The following PTDSS1 variants were observed in gnomAD, a reference collection of about 807,000 sequenced individuals.
PTDSS1 encodes the protein phosphatidylserine synthase 1.
PTDSS1 carries 45 observed loss-of-function variants against 70.5 expected under a neutral mutation model. The observed-to-expected ratio is 0.64, with a 90% CI of 0.50 to 0.82. The LOEUF (loss-of-function observed/expected upper bound fraction) is 0.82. Among genes scored for constraint, PTDSS1 ranks in the 40% least tolerant of loss-of-function variants. The pLI is 0.00. For synonymous variants in PTDSS1, 188 were observed against 203.8 expected (o/e 0.92, Z 0.66); for missense variants, 417 against 586.1 (o/e 0.71, Z 2.98).
chr8:96,287,754 C>CA (rs919854185), intron 4 of PTDSS1, among the ~76,000 whole-genome samples: 9 of 145,850 alleles, frequency 6.2e-5, no homozygotes, highest in Admixed American at 2.7e-4. Flanking sequence ...TCGAACCATA[C>CA]AAAAAAATTT....
At chr8:96,325,009 G>A (rs376137926) in intron 10 of PTDSS1, among the ~76,000 whole-genome samples, 4 of 152,146 alleles carry the variant, frequency 2.6e-5, no homozygotes, top group Non-Finnish European at 4.4e-5. Context: ...GTGCTCTTCC[G>A]TGCTGTGCCT....
chr8:96,273,940 A>G (rs897756418), intron 2 of PTDSS1, among the ~76,000 whole-genome samples: 2 of 152,176 alleles, frequency 1.3e-5, no homozygotes, highest in African/African-American at 4.8e-5. Context: ...CCCCATCATG[A>G]TTATGGAGTG....
chr8:96,330,287 G>C lies in PTDSS1; in HGVS notation c.1242+6G>C. On this transcript the variant is annotated splice_donor_region_variant and intron_variant, in intron 11 of 12. Coordinates refer to ENST00000517309, the MANE Select transcript of PTDSS1 (RefSeq NM_014754.3). ...ACTATGGTCACCGAGAAAAGGTATGGAAGGAGAGGCAGGCATGGCCATTGT... is the reference window on the plus strand; with the variant it reads ...ACTATGGTCACCGAGAAAAGGTATGCAAGGAGAGGCAGGCATGGCCATTGT... The C allele has an allele frequency of 1.2e-6, 2 of 1,606,278 alleles. No homozygotes were observed. The highest frequency in any genetic ancestry group is 1.7e-6 in the Non-Finnish European group (2 of 1,174,278).
chr8:96,296,825 C>T (rs1479244219), intron 5 of PTDSS1, among the ~76,000 whole-genome samples: 11 of 152,180 alleles, frequency 7.2e-5, no homozygotes, highest in Non-Finnish European at 1.3e-4. Flanking sequence ...TACCACATTC[C>T]ACCTCTGAAT....
chr8:96,308,197 A>G (rs758538793), intron 8 of PTDSS1, among the ~76,000 whole-genome samples: 1 of 152,204 alleles, frequency 6.6e-6, no homozygotes, highest in African/African-American at 2.4e-5. Context: ...CTTTGAGAAG[A>G]TATTTGAGTG....
At chr8:96,311,058 G>T (rs192706198) in intron 9 of PTDSS1, among the ~76,000 whole-genome samples, 1 of 152,092 alleles carries the variant, frequency 6.6e-6, no homozygotes, top group Non-Finnish European at 1.5e-5. Flanking sequence ...GAGCCACTGC[G>T]CCCGGCCTTA....
In PTDSS1 at chr8:96,262,080, G is replaced by T; in HGVS notation, c.40G>T (p.Asp14Tyr). 6.2e-7 allele frequency: 1 copy of T among 1,613,804 alleles called. No homozygotes were observed. The highest frequency in any genetic ancestry group is 2.2e-5 in the East Asian group (1 of 44,860). The change falls in exon 1 of 13, where the codon GAT (aspartate) becomes TAT (tyrosine). Residue 14 changes from aspartate (D) to tyrosine (Y), a missense_variant. Physicochemically the swap from Asp to Tyr is radical, Grantham distance 160. This residue lies in a region of PTDSS1 where 38 missense variants were observed against 34.3 expected (regional missense o/e 1.11). Coordinates refer to ENST00000517309, the MANE Select transcript of PTDSS1 (RefSeq NM_014754.3). The surrounding 1 kb of genome is among the most constrained non-coding windows in gnomAD (Gnocchi z 4.4). The stretch of plus-strand genomic sequence containing the variant: ...GGGGAGCCGGACCCTAAGCAAGGAT[G>T]ATGTGAACTACAAAATGCATTTCCG... The part of the protein sequence containing the change: ...CVGSRTLSKD[D>Y]VNYKMHFRMI...
Position 96,295,276 on chromosome 8 carries a change from G to T in PTDSS1, c.600+20G>T, listed in dbSNP as rs768508635. ...ACTGAGGTAAGAAGGAGGGCATTGG[G>T]GGTTCCCCAGACTGTGCCATGTGTG... On this transcript the variant is annotated intron_variant, in intron 5 of 12. Coordinates refer to ENST00000517309, the MANE Select transcript of PTDSS1 (RefSeq NM_014754.3). 1.9e-6 allele frequency: 3 copies of T among 1,606,744 alleles called. No individual in the cohort carries two copies. Among genetic ancestry groups the T allele is most frequent in the Admixed American group, 1.7e-5 (1 of 59,022 alleles).
At chr8:96,310,819 A>G (rs549230132) in intron 9 of PTDSS1, among the ~76,000 whole-genome samples, 13 of 151,558 alleles carry the variant, frequency 8.6e-5, no homozygotes, top group South Asian at 2.1e-4. Flanking sequence ...AGGCTGGAGT[A>G]CAGTGGCGTG....
Position 96,295,116 on chromosome 8 carries a change from C to A in PTDSS1, c.460C>A (p.His154Asn), listed in dbSNP as rs1451546343. The A allele has an allele frequency of 6.2e-7, 1 of 1,613,568 alleles. No individual in the cohort carries two copies. The highest frequency in any genetic ancestry group is 1.7e-5 in the Admixed American group (1 of 59,950). The part of the protein sequence containing the change: ...ADVMEYAVNC[H>N]VITWERIISH... Reference sequence around the variant, plus strand: ...TAAATAGGAGTATGCTGTGAACTGCCATGTGATCACCTGGGAGAGGATTAT... The same window carrying A: ...TAAATAGGAGTATGCTGTGAACTGCAATGTGATCACCTGGGAGAGGATTAT... The change falls in exon 5 of 13, where the codon CAT (histidine) becomes AAT (asparagine). Residue 154 changes from histidine to asparagine, a missense_variant. Physicochemically the swap from His to Asn is moderately conservative, Grantham distance 68. This residue lies in a region of PTDSS1 where 272 missense variants were observed against 429.5 expected (regional missense o/e 0.63). Coordinates refer to ENST00000517309, the MANE Select transcript of PTDSS1 (RefSeq NM_014754.3).
chr8:96,321,379 T>A (rs985977736), intron 10 of PTDSS1, among the ~76,000 whole-genome samples: 8 of 152,236 alleles, frequency 5.3e-5, no homozygotes, highest in Non-Finnish European at 2.9e-5. Flanking sequence ...ATTACTAACC[T>A]TTTCTTAAAG....
chr8:96,324,624 T>C (rs1811414297), intron 10 of PTDSS1, among the ~76,000 whole-genome samples: 1 of 152,146 alleles, frequency 6.6e-6, no homozygotes, highest in Admixed American at 6.5e-5. Context: ...ATCCTTTTTA[T>C]CAGGAACCCA....
rs1811579458 is a variant in PTDSS1, at chr8:96,335,303, A to G, written c.*1737A>G. The G allele has an allele frequency of 6.6e-6, 1 of 152,220 alleles. No homozygotes were observed. The highest frequency in any genetic ancestry group is 1.5e-5 in the Non-Finnish European group (1 of 68,038). 9.4% of individuals were successfully genotyped at this position (152,220 alleles called of 1,614,324 possible). ...ATTTAAACATGATCTTTCTTTGCAA[A>G]TAAATATGTTTTGTTTCATCCTGTG... On this transcript the variant is annotated 3_prime_UTR_variant, in exon 13 of 13. Transcript: ENST00000517309.
At chr8:96,320,428 TG>T in intron 10 of PTDSS1, 83 bp downstream of exon 10, 1 of 1,203,434 alleles carries the variant, frequency 8.3e-7, no homozygotes, top group Non-Finnish European at 1.2e-6. Flanking sequence ...GAAACCCTCT[TG>T]TGTATCAAAG....
intron 1 of PTDSS1, among the ~76,000 whole-genome samples, chr8:96,270,959 T>G (rs1810558143): frequency 6.6e-6 from 1 of 152,210 alleles, no homozygotes; most frequent in Admixed American, 6.5e-5. Context: ...TTTCAAGCAT[T>G]TTGATTGGTA....
At position 96,333,640 on chromosome 8, in the gene PTDSS1, C is replaced by T. The variant is rs1263738723; in HGVS notation, c.*74C>T. 4.2e-6 allele frequency: 6 copies of T among 1,429,874 alleles called. No homozygotes were observed. The highest frequency in any genetic ancestry group is 5.9e-6 in the Non-Finnish European group (6 of 1,013,612). The allele number at this position is 1,429,874 out of a possible 1,614,324, so 88.6% of individuals were successfully genotyped here. A position where few individuals can be genotyped will look rare whatever the true frequency, so the allele number is the denominator to read the frequency against. On this transcript the variant is annotated 3_prime_UTR_variant, in exon 13 of 13. Transcript: ENST00000517309. ...GAAATGGAACTCATTTGGAACTCCC[C>T]GTGAGGAGGTCGAGGCGCACAGGGC...
rs1338860153 is a variant in PTDSS1 at position 96,266,738 on chromosome 8, T to A, written c.179+4519T>A. 2.6e-5 allele frequency among the ~76,000 whole-genome samples: 4 copies of A among 152,274 alleles called. No homozygotes were observed. The East Asian group carries it at 7.7e-4, about 29-fold the overall frequency. On this transcript the variant is annotated intron_variant, in intron 1 of 12. Coordinates refer to ENST00000517309, the MANE Select transcript of PTDSS1 (RefSeq NM_014754.3). ...ACCAGCCCTGGAGGTGAACATTGTGTTAGGTTGCACCTGAGGTCCAGTTAT... is the reference window on the plus strand; with the variant it reads ...ACCAGCCCTGGAGGTGAACATTGTGATAGGTTGCACCTGAGGTCCAGTTAT...
chr8:96,327,836 C>A (rs1474770219), intron 10 of PTDSS1, among the ~76,000 whole-genome samples: 1 of 151,956 alleles, frequency 6.6e-6, no homozygotes, highest in African/African-American at 2.4e-5. Context: ...TTTCTTCTCG[C>A]CCCCCCGCCC....
chr8:96,282,688 A>G (rs751662255), intron 2 of PTDSS1, among the ~76,000 whole-genome samples: 2 of 152,262 alleles, frequency 1.3e-5, no homozygotes, highest in Admixed American at 6.5e-5. Flanking sequence ...TAGTTAAAAT[A>G]TATTTCAATG....
Sources: allele counts gnomAD v4.1 joint callset (sites outside exome capture counted in the v4.1 genomes callset), GRCh38; gene constraint gnomAD v4.1.1; regional missense constraint gnomAD v4.1.1; non-coding constraint Gnocchi (gnomAD v3.1); transcripts MANE v1.5; gene names NCBI Gene and HGNC (gene_info 2026-07-23, HGNC 2026-07-21).